DGKI: variants seen among roughly 807,000 people sequenced by gnomAD.
DGKI encodes the protein DAG kinase iota.
A neutral mutation model predicts 147.5 loss-of-function variants in DGKI; 55 were observed. The ratio of observed to expected loss-of-function variants is 0.37; its 90% CI spans 0.30 to 0.47. The LOEUF (loss-of-function observed/expected upper bound fraction) is 0.47, where lower values mean the gene tolerates loss of function less well. Among genes scored for constraint, DGKI ranks in the 20% least tolerant of loss-of-function variants. DGKI has a pLI of 1.00. For synonymous variants in DGKI, 469 were observed against 477.1 expected (o/e 0.98, Z 0.22); for missense variants, 1,007 against 1,323.8 (o/e 0.76, Z 3.71).
intron 8 of DGKI, among the ~76,000 whole-genome samples, chr7:137,614,016 TC>T (rs1186393224): frequency 1.3e-5 from 2 of 152,126 alleles, no homozygotes; most frequent in African/African-American, 4.8e-5. Context: ...GAAAGGAGAC[TC>T]TCTTATCTGA....
At chr7:137,426,693 GGATGGAGGAA>G (rs1467322249) in intron 28 of DGKI, among the ~76,000 whole-genome samples, 58 of 151,796 alleles carry the variant, frequency 3.8e-4, no homozygotes, top group Non-Finnish European at 3.5e-4. Flanking sequence ...CAAAATAAAA[GGATGGAGGAA>G]GATCTACCAA....
intron 3 of DGKI, among the ~76,000 whole-genome samples, chr7:137,666,188 T>C (rs1399103526): frequency 2.6e-5 from 4 of 152,222 alleles, no homozygotes; most frequent in Non-Finnish European, 4.4e-5. Flanking sequence ...ATGTGACTTA[T>C]GTTAGTGGAT....
intron 7 of DGKI, 79 bp from the exon 8 acceptor site, chr7:137,620,019 G>GCACACACACA (rs3839659): frequency 3.3e-4 from 168 of 502,538 alleles, no homozygotes; most frequent in Middle Eastern, 1.2e-3. Context: ...ATGTACACAC[G>GCACACACACA]CACACACACA....
chr7:137,412,800 T>G (rs1330704986), intron 28 of DGKI, among the ~76,000 whole-genome samples: 1 of 152,192 alleles, frequency 6.6e-6, no homozygotes, highest in Admixed American at 6.5e-5. Context: ...TCAAGTCTAT[T>G]TTAATTGTGT....
At chr7:137,680,499 G>A (rs1823198968) in intron 2 of DGKI, among the ~76,000 whole-genome samples, 1 of 152,124 alleles carries the variant, frequency 6.6e-6, no homozygotes, top group Non-Finnish European at 1.5e-5. Context: ...ATACCAAATG[G>A]CCAGGAGCAG....
chr7:137,707,568 A>T (rs377601972), intron 1 of DGKI, among the ~76,000 whole-genome samples: 11 of 152,330 alleles, frequency 7.2e-5, no homozygotes, highest in African/African-American at 2.6e-4. Flanking sequence ...TCATCATGAC[A>T]GTGAGTTCTT....
At chr7:137,504,205 C>T (rs76095330) in intron 21 of DGKI, among the ~76,000 whole-genome samples, 1 of 152,118 alleles carries the variant, frequency 6.6e-6, no homozygotes, top group African/African-American at 2.4e-5. Flanking sequence ...ATGTGTTCAA[C>T]AAGATGTCAT....
chr7:137,688,162 C>T (rs1823485040), intron 2 of DGKI, among the ~76,000 whole-genome samples: 1 of 152,294 alleles, frequency 6.6e-6, no homozygotes, highest in South Asian at 2.1e-4. Flanking sequence ...CCAGTGACGT[C>T]CTCATTTCCC....
At chr7:137,792,612 A>G (rs561415563) in intron 1 of DGKI, among the ~76,000 whole-genome samples, 1 of 152,320 alleles carries the variant, frequency 6.6e-6, no homozygotes, top group African/African-American at 2.4e-5. Flanking sequence ...TCCAAATCTC[A>G]TGTTGAAATG....
chr7:137,841,741 C>T (rs1000278045), intron 1 of DGKI, among the ~76,000 whole-genome samples: 1 of 151,978 alleles, frequency 6.6e-6, no homozygotes, highest in African/African-American at 2.4e-5. Flanking sequence ...GTGTAGACAG[C>T]CTGGGCTCTC....
chr7:137,429,434 T>C (rs1812968315), intron 28 of DGKI, among the ~76,000 whole-genome samples: 1 of 151,558 alleles, frequency 6.6e-6, no homozygotes, highest in Non-Finnish European at 1.5e-5. Flanking sequence ...ACGTTAGACC[T>C]AAAACCATAA....
chr7:137,807,053 G>C (rs569810603), intron 1 of DGKI, among the ~76,000 whole-genome samples: 2 of 152,148 alleles, frequency 1.3e-5, no homozygotes, highest in African/African-American at 4.8e-5. Flanking sequence ...TTTAATCCTG[G>C]GTCACTGCAA....
intron 12 of DGKI, among the ~76,000 whole-genome samples, chr7:137,594,340 C>T (rs1183012488): frequency 1.3e-5 from 2 of 152,210 alleles, no homozygotes; most frequent in African/African-American, 4.8e-5. Context: ...AGCCACCACA[C>T]CTGGCCTTTC....
At chr7:137,450,843 A>G (rs1003656056) in intron 27 of DGKI, among the ~76,000 whole-genome samples, 3 of 151,800 alleles carry the variant, frequency 2.0e-5, no homozygotes, top group Admixed American at 2.0e-4. Context: ...CTTGATCTGA[A>G]TATTTGCTGG....
At chr7:137,757,947 C>T (rs2113427) in intron 1 of DGKI, among the ~76,000 whole-genome samples, 76,415 of 152,120 alleles carry the variant, frequency 0.5, 22,259 homozygotes, top group African/African-American at 0.82. Context: ...GAGCTTGTTC[C>T]CCTCTGCACC....
chr7:137,769,185 T>G (rs10229376), intron 1 of DGKI, among the ~76,000 whole-genome samples: 10,888 of 152,114 alleles, frequency 0.072, 461 homozygotes, highest in African/African-American at 0.12. Flanking sequence ...CGGGAGAAAA[T>G]GCAAAAGAAG....
chr7:137,783,860 T>C (rs1445709377), intron 1 of DGKI, among the ~76,000 whole-genome samples: 1 of 152,212 alleles, frequency 6.6e-6, no homozygotes, highest in Non-Finnish European at 1.5e-5. Context: ...GCCAAGAATT[T>C]TGTATCCAGT....
Position 137,487,967 on chromosome 7 carries a change from T to C in DGKI, c.2249-278A>G, listed in dbSNP as rs190699974. 2.0e-5 allele frequency among the ~76,000 whole-genome samples: 3 copies of C among 152,288 alleles called. No homozygotes were observed. The East Asian group carries it at 5.8e-4, about 29-fold the overall frequency. On this transcript the variant is annotated intron_variant, in intron 21 of 32. Transcript: ENST00000614521. ...TTCACTGGCCCTGAGATGAAGTGAA[T>C]TGTCGCAGTAACGATGGATTGGCAG...
At position 137,846,670 on chromosome 7, in the gene DGKI, C is replaced by A. The variant is rs1345686440; in HGVS notation, c.193G>T (p.Ala65Ser). 9.3e-7 allele frequency: 1 copy of A among 1,073,358 alleles called. No homozygotes were observed. The highest frequency in any genetic ancestry group is 3.1e-5 in the South Asian group (1 of 32,162). The allele number at this position is 1,073,358 out of a possible 1,614,324, so 66.5% of individuals were successfully genotyped here. ...CCGCTGCTGCTGCTGCCGCCCGTCG[C>A]CCCTTTCTCCTCTCCCGCCGAGGAG... Reference protein sequence around the residue: ...PSSSAGEEKGATGGSSSSGSG... With the variant: ...PSSSAGEEKGSTGGSSSSGSG... The change falls in exon 1 of 33, where the codon GCG (alanine) becomes TCG (serine). Residue 65 changes from alanine to serine, a missense_variant. Ala to Ser is a moderately conservative substitution (Grantham distance 99). Transcript: ENST00000614521. This position sits in a 1 kb window ranked among gnomAD's most constrained non-coding sequence, Gnocchi z 4.0.
Sources: allele counts gnomAD v4.1 joint callset (sites outside exome capture counted in the v4.1 genomes callset), GRCh38; gene constraint gnomAD v4.1.1; non-coding constraint Gnocchi (gnomAD v3.1); transcripts MANE v1.5; gene names NCBI Gene and HGNC (gene_info 2026-07-23, HGNC 2026-07-21).